The following DTNB variants were observed in gnomAD, a reference collection of about 807,000 sequenced individuals.
DTNB encodes the protein DTN-B.
Under a neutral mutation model 90.7 loss-of-function variants are expected in DTNB, and 63 were observed. The ratio of observed to expected loss-of-function variants is 0.69; its 90% CI spans 0.57 to 0.86. The LOEUF (loss-of-function observed/expected upper bound fraction) is 0.86. Among genes scored for constraint, DTNB ranks in the 40% least tolerant of loss-of-function variants. The pLI, the probability that DTNB is intolerant of heterozygous loss-of-function variation, is 0.00. For missense variants in DTNB, 744 were observed against 807.1 expected (o/e 0.92, Z 0.95); for synonymous variants, 277 against 286.7 (o/e 0.97, Z 0.34).
intron 3 of DTNB, among the ~76,000 whole-genome samples, chr2:25,635,364 T>C (rs1311844595): frequency 1.3e-5 from 2 of 152,042 alleles, no homozygotes; most frequent in Non-Finnish European, 2.9e-5. Flanking sequence ...GAGGCGGAGG[T>C]TGCAGTGAGC....
chr2:25,585,678 T>C (rs2062263848), intron 6 of DTNB, among the ~76,000 whole-genome samples: 2 of 152,242 alleles, frequency 1.3e-5, no homozygotes, highest in East Asian at 3.8e-4. Context: ...TCCTATAATG[T>C]GCAACATAGA....
chr2:25,590,712 A>G (rs1559149179), intron 6 of DTNB, among the ~76,000 whole-genome samples: 1 of 152,178 alleles, frequency 6.6e-6, no homozygotes, highest in Non-Finnish European at 1.5e-5. Flanking sequence ...AAGGGGAGGA[A>G]GCGCATGCTG....
At chr2:25,463,342 C>T (rs1251611462) in intron 10 of DTNB, among the ~76,000 whole-genome samples, 1 of 151,556 alleles carries the variant, frequency 6.6e-6, no homozygotes, top group African/African-American at 2.4e-5. Flanking sequence ...CTCTTATTTT[C>T]TCATCACCTC....
intron 4 of DTNB, among the ~76,000 whole-genome samples, chr2:25,626,377 G>GA (rs2074159528): frequency 1.3e-5 from 2 of 152,180 alleles, no homozygotes; most frequent in African/African-American, 2.4e-5. Context: ...TCCTGAGCAG[G>GA]AAAAAATTAA....
intron 8 of DTNB, among the ~76,000 whole-genome samples, chr2:25,557,595 TAAAAC>T (rs1175371023): frequency 6.6e-6 from 1 of 152,138 alleles, no homozygotes; most frequent in Non-Finnish European, 1.5e-5. Flanking sequence ...GTTTAAAAAA[TAAAAC>T]AAAGCAGATT....
In DTNB at chr2:25,387,399, T is replaced by C. The variant is rs1558298598; in HGVS notation, c.1736-21A>G. 1 of 1,606,822 alleles carries C rather than the reference T, an allele frequency of 6.2e-7. No individual in the cohort carries two copies. The highest frequency in any genetic ancestry group is 8.5e-7 in the Non-Finnish European group (1 of 1,174,800). On this transcript the variant is annotated intron_variant, in intron 17 of 20. Coordinates refer to ENST00000406818, the MANE Select transcript of DTNB (RefSeq NM_021907.5). This position sits in a 1 kb window ranked among gnomAD's most constrained non-coding sequence, Gnocchi z 4.5. Reference sequence around the variant, plus strand: ...CGTACCTGAGGAGAGGCAGAGCAGATGGGGATGCCAGGGTGGGTGAGCGTG... The same window carrying C: ...CGTACCTGAGGAGAGGCAGAGCAGACGGGGATGCCAGGGTGGGTGAGCGTG...
At chr2:25,562,949 G>A (rs896065356) in intron 8 of DTNB, among the ~76,000 whole-genome samples, 1 of 151,838 alleles carries the variant, frequency 6.6e-6, no homozygotes, top group African/African-American at 2.4e-5. Flanking sequence ...TTTGTATTTT[G>A]TGTAGAGATG....
intron 9 of DTNB, among the ~76,000 whole-genome samples, chr2:25,509,477 T>C (rs1352605213): frequency 2.0e-5 from 3 of 152,138 alleles, no homozygotes; most frequent in Non-Finnish European, 4.4e-5. Context: ...AGCATTTTTA[T>C]TCATCTGCAA....
intron 16 of DTNB, among the ~76,000 whole-genome samples, chr2:25,398,574 C>A (rs777261251): frequency 6.6e-6 from 1 of 152,132 alleles, no homozygotes; most frequent in Non-Finnish European, 1.5e-5. Context: ...AGACCGGAGC[C>A]GATCTTGGAT....
chr2:25,574,998 A>C (rs2060439671), intron 8 of DTNB, among the ~76,000 whole-genome samples: 1 of 152,194 alleles, frequency 6.6e-6, no homozygotes, highest in African/African-American at 2.4e-5. Context: ...GAAAACATGC[A>C]AATCATAAAG....
rs138598410 is a variant in DTNB at position 25,543,489 on chromosome 2, G to C, written c.877-11892C>G. ...CCAGCTAATTTTTGTATTTTTAATA[G>C]AGACAGGTTTCACCATGTTGGCCAG... is the stretch of plus-strand genomic sequence containing the variant. On this transcript the variant is annotated intron_variant, in intron 8 of 20. Coordinates refer to ENST00000406818, the MANE Select transcript of DTNB (RefSeq NM_021907.5). Among the ~76,000 whole-genome samples, 837 of 152,084 alleles carry C rather than the reference G, an allele frequency of 5.5e-3. 6 individuals are homozygous for C. Among genetic ancestry groups the C allele is most frequent in the African/African-American group, 0.019 (798 of 41,492 alleles).
chr2:25,587,205 G>C (rs983268247), intron 6 of DTNB, among the ~76,000 whole-genome samples: 1 of 152,126 alleles, frequency 6.6e-6, no homozygotes, highest in Non-Finnish European at 1.5e-5. Context: ...GGAGTGAGTC[G>C]AGTTTTTTAT....
intron 1 of DTNB, among the ~76,000 whole-genome samples, chr2:25,667,529 A>G (rs2084757164): frequency 6.6e-6 from 1 of 152,152 alleles, no homozygotes; most frequent in African/African-American, 2.4e-5. Flanking sequence ...ACACATGAAG[A>G]GATACACTGC....
chr2:25,427,765 C>T, intron 14 of DTNB, 134 bp from the exon 15 acceptor site: 1 of 712,972 alleles, frequency 1.4e-6, no homozygotes, highest in Non-Finnish European at 2.3e-6. Flanking sequence ...GCATCCAATA[C>T]CTCATAAAAT....
chr2:25,435,194 T>C (rs533404694), intron 12 of DTNB, among the ~76,000 whole-genome samples: 2 of 152,172 alleles, frequency 1.3e-5, no homozygotes, highest in Admixed American at 6.5e-5. Context: ...TCATTGTTTG[T>C]ATTTTTAGTA....
intron 8 of DTNB, among the ~76,000 whole-genome samples, chr2:25,545,517 T>C (rs1029114887): frequency 6.6e-6 from 1 of 152,204 alleles, no homozygotes; most frequent in Non-Finnish European, 1.5e-5. Flanking sequence ...AGTGCTATTA[T>C]CCAACAGAAC....
At chr2:25,458,635 ATATT>A (rs777004287) in intron 10 of DTNB, among the ~76,000 whole-genome samples, 13 of 150,896 alleles carry the variant, frequency 8.6e-5, no homozygotes, top group Non-Finnish European at 1.5e-4. Flanking sequence ...CACCCGGCTA[ATATT>A]TATTTATTTA....
chr2:25,495,730 A>G (rs545188244), intron 9 of DTNB, among the ~76,000 whole-genome samples: 1 of 152,340 alleles, frequency 6.6e-6, no homozygotes, highest in East Asian at 1.9e-4. Flanking sequence ...AGGAAGTTAA[A>G]CAAACAAGCA....
chr2:25,586,899 ACT>A (rs2062546551), intron 6 of DTNB, among the ~76,000 whole-genome samples: 1 of 152,232 alleles, frequency 6.6e-6, no homozygotes, highest in Non-Finnish European at 1.5e-5. Context: ...TCAAAACTAC[ACT>A]GAGATAACAT....
Sources: gnomAD v4.1 joint callset for allele counts (sites outside exome capture counted in the v4.1 genomes callset) on GRCh38, gnomAD v4.1.1 for gene constraint, Gnocchi (gnomAD v3.1) non-coding constraint, MANE v1.5 for transcripts, NCBI Gene and HGNC (gene_info 2026-07-23, HGNC 2026-07-21) for gene names.